Variants in PAPSS1 observed in about 807,000 individuals in gnomAD.
PAPSS1 encodes the protein 3'-phosphoadenosine 5'-phosphosulfate synthase 1, also known as bifunctional 3'-phosphoadenosine 5'-phosphosulfate synthase 1.
A neutral mutation model predicts 72.0 loss-of-function variants in PAPSS1; 50 were observed. The observed-to-expected ratio is 0.69, with a 90% CI of 0.55 to 0.88. PAPSS1 has a LOEUF of 0.88. Ranked by LOEUF, PAPSS1 falls within the 40% of genes least tolerant of loss-of-function variation. The pLI is 0.00. For synonymous variants in PAPSS1, 261 were observed against 263.6 expected (o/e 0.99, Z 0.09); for missense variants, 657 against 782.2 (o/e 0.84, Z 1.91).
At chr4:107,701,367 G>T in intron 1 of PAPSS1, 82 bp from the exon 2 acceptor site, 1 of 862,812 alleles carries the variant, frequency 1.2e-6, no homozygotes. Flanking sequence ...ACACACAAAA[G>T]TCTATGTAAC....
At chr4:107,704,603 T>C (rs751332998) in intron 1 of PAPSS1, among the ~76,000 whole-genome samples, 2 of 152,244 alleles carry the variant, frequency 1.3e-5, no homozygotes, top group African/African-American at 4.8e-5. Context: ...TCTATTGAGA[T>C]GATCATAGGT....
intron 6 of PAPSS1, among the ~76,000 whole-genome samples, chr4:107,658,353 TAAAA>T (rs5860875): frequency 7.4e-6 from 1 of 135,780 alleles, no homozygotes; most frequent in Non-Finnish European, 1.6e-5. Flanking sequence ...AGACTCCATT[TAAAA>T]AAAAAAAAAA....
intron 10 of PAPSS1, among the ~76,000 whole-genome samples, chr4:107,637,025 T>A (rs953526604): frequency 2.6e-5 from 4 of 152,150 alleles, no homozygotes; most frequent in East Asian, 1.9e-4. Flanking sequence ...TTTAAAAAAA[T>A]TTATCTATGA....
chr4:107,684,601 C>T (rs1239099897), intron 4 of PAPSS1, among the ~76,000 whole-genome samples: 1 of 152,126 alleles, frequency 6.6e-6, no homozygotes, highest in Non-Finnish European at 1.5e-5. Context: ...CTTTGGTCTC[C>T]ACAATCTTTA....
intron 1 of PAPSS1, among the ~76,000 whole-genome samples, chr4:107,702,553 C>T (rs557174346): frequency 6.6e-6 from 1 of 152,290 alleles, no homozygotes; most frequent in Admixed American, 6.5e-5. Flanking sequence ...ACCATTCACT[C>T]TCTACTTCTA....
At chr4:107,717,020 T>C (rs535713031) in intron 1 of PAPSS1, among the ~76,000 whole-genome samples, 1 of 152,314 alleles carries the variant, frequency 6.6e-6, no homozygotes, top group South Asian at 2.1e-4. Context: ...TGTAACTATG[T>C]TATCCACATG....
intron 1 of PAPSS1, 183 bp downstream of exon 1, chr4:107,719,937 G>C: frequency 1.4e-6 from 2 of 1,381,082 alleles, no homozygotes; most frequent in Non-Finnish European, 1.9e-6. Flanking sequence ...CCCACCCTGC[G>C]CCGCGCCCCT....
At chr4:107,631,976 A>C in intron 10 of PAPSS1, 116 bp from the exon 11 acceptor site, 18 of 720,196 alleles carry the variant, frequency 2.5e-5, no homozygotes, top group Non-Finnish European at 3.3e-5. Flanking sequence ...AGGAAATCTC[A>C]ACAAATTTAG....
At chr4:107,647,975 T>A (rs755808386) in intron 9 of PAPSS1, among the ~76,000 whole-genome samples, 2 of 152,180 alleles carry the variant, frequency 1.3e-5, no homozygotes, top group Admixed American at 1.3e-4. Flanking sequence ...ATTACCTACC[T>A]CTTTCCCTCA....
At chr4:107,646,017 T>C (rs913461648) in intron 9 of PAPSS1, among the ~76,000 whole-genome samples, 1 of 152,116 alleles carries the variant, frequency 6.6e-6, no homozygotes, top group African/African-American at 2.4e-5. Context: ...AAATCCAAGA[T>C]TTACAGCATG....
intron 9 of PAPSS1, among the ~76,000 whole-genome samples, chr4:107,647,414 T>A (rs192825261): frequency 6.6e-6 from 1 of 152,264 alleles, no homozygotes; most frequent in East Asian, 1.9e-4. Flanking sequence ...ACAGTGAGGA[T>A]GAAATGAGAG....
At chr4:107,657,632 G>C (rs1727054544) in intron 6 of PAPSS1, among the ~76,000 whole-genome samples, 1 of 151,982 alleles carries the variant, frequency 6.6e-6, no homozygotes, top group Non-Finnish European at 1.5e-5. Context: ...GAGGCATGAG[G>C]ATTGCTTGGG....
intron 11 of PAPSS1, among the ~76,000 whole-genome samples, chr4:107,630,153 G>A (rs1726193249): frequency 6.6e-6 from 1 of 152,174 alleles, no homozygotes; most frequent in Non-Finnish European, 1.5e-5. Context: ...TTCAGGAATG[G>A]ATTAAATGAC....
intron 2 of PAPSS1, among the ~76,000 whole-genome samples, chr4:107,699,393 A>G (rs1258321178): frequency 6.6e-6 from 1 of 152,220 alleles, no homozygotes; most frequent in Non-Finnish European, 1.5e-5. Context: ...ATGTGGCATT[A>G]ACAGAGGAAC....
At chr4:107,719,187 G>GTTTTTTTTTTTTTTTTTTTTTT (rs9307313) in intron 1 of PAPSS1, among the ~76,000 whole-genome samples, 2 of 146,416 alleles carry the variant, frequency 1.4e-5, no homozygotes. Flanking sequence ...GAAATTGCTT[G>GTTTTTTTTTTTTTTTTTTTTTT]TTTTTTTTTT....
At chr4:107,675,687 A>C (rs1727622155) in intron 5 of PAPSS1, among the ~76,000 whole-genome samples, 1 of 152,180 alleles carries the variant, frequency 6.6e-6, no homozygotes, top group Admixed American at 6.5e-5. Flanking sequence ...CATTTTATGA[A>C]GCCAGCATCA....
At chr4:107,626,617 AGTTT>A (rs1442723572) in intron 11 of PAPSS1, among the ~76,000 whole-genome samples, 1 of 152,196 alleles carries the variant, frequency 6.6e-6, no homozygotes, top group African/African-American at 2.4e-5. Flanking sequence ...ATCTTCATAA[AGTTT>A]GTTTCTTTTC....
At chr4:107,658,116 G>T (rs1727067664) in intron 6 of PAPSS1, among the ~76,000 whole-genome samples, 1 of 152,018 alleles carries the variant, frequency 6.6e-6, no homozygotes, top group Non-Finnish European at 1.5e-5. Context: ...CCACTGGCCA[G>T]CTAAGACCAT....
intron 3 of PAPSS1, among the ~76,000 whole-genome samples, chr4:107,692,368 CAACA>C (rs1235038188): frequency 6.6e-6 from 1 of 151,776 alleles, no homozygotes; most frequent in African/African-American, 2.4e-5. Flanking sequence ...TACATGCAGC[CAACA>C]AACATGAAAA....
Sources: allele counts gnomAD v4.1 joint callset (sites outside exome capture counted in the v4.1 genomes callset), GRCh38; gene constraint gnomAD v4.1.1; transcripts MANE v1.5; gene names NCBI Gene and HGNC (gene_info 2026-07-23, HGNC 2026-07-21).